Variants in TRIO observed in about 807,000 individuals in gnomAD.
TRIO encodes triple functional domain protein.
In TRIO, 58 loss-of-function variants were observed where a neutral mutation model predicts 351.9. The observed-to-expected ratio is 0.16, with a 90% CI of 0.13 to 0.21. TRIO has a LOEUF of 0.21. Among genes scored for constraint, TRIO ranks in the 10% least tolerant of loss-of-function variants. The probability of loss-of-function intolerance (pLI) is 1.00; values close to 1 mark genes in which losing one functional copy is unlikely to be tolerated. For synonymous variants in TRIO, 1,758 were observed against 1,595.7 expected (o/e 1.10, Z -2.42); for missense variants, 3,201 against 4,027.8 (o/e 0.79, Z 5.56).
At chr5:14,403,844 C>G (rs1277934840) in intron 31 of TRIO, among the ~76,000 whole-genome samples, 1 of 25,980 alleles carries the variant, frequency 3.8e-5, no homozygotes, top group Non-Finnish European at 6.4e-5. Flanking sequence ...GGTGAGGGTG[C>G]AGGTGGTGGT....
At chr5:14,469,947 G>A (rs1025711481) in intron 37 of TRIO, among the ~76,000 whole-genome samples, 3 of 152,170 alleles carry the variant, frequency 2.0e-5, no homozygotes, top group Admixed American at 1.3e-4. Context: ...ACAGGCTTCA[G>A]CTGTCCAGGT....
At chr5:14,450,318 G>A (rs1752766026) in intron 34 of TRIO, among the ~76,000 whole-genome samples, 1 of 152,196 alleles carries the variant, frequency 6.6e-6, no homozygotes, top group Non-Finnish European at 1.5e-5. Flanking sequence ...GTTTTTCACT[G>A]GGTTGGTTTT....
intron 34 of TRIO, among the ~76,000 whole-genome samples, chr5:14,444,193 A>T (rs1374665902): frequency 2.0e-5 from 3 of 152,188 alleles, no homozygotes; most frequent in Non-Finnish European, 4.4e-5. Flanking sequence ...GGATAAAGAA[A>T]TTTCTTTGCT....
intron 1 of TRIO, among the ~76,000 whole-genome samples, chr5:14,170,274 G>A (rs150351399): frequency 3.3e-5 from 5 of 151,720 alleles, no homozygotes; most frequent in East Asian, 1.9e-4. Flanking sequence ...TTTTTCTTTC[G>A]TAATTAAAAA....
intron 7 of TRIO, among the ~76,000 whole-genome samples, chr5:14,298,948 C>G (rs1737624648): frequency 6.6e-6 from 1 of 152,194 alleles, no homozygotes; most frequent in Admixed American, 6.5e-5. Context: ...TAGCAATACC[C>G]TCGATCATTT....
intron 31 of TRIO, among the ~76,000 whole-genome samples, chr5:14,404,326 T>C (rs973014709): frequency 6.6e-6 from 1 of 152,106 alleles, no homozygotes; most frequent in Non-Finnish European, 1.5e-5. Flanking sequence ...CTTAGCCAGG[T>C]AGGACCTTGG....
At chr5:14,244,545 T>C (rs924713515) in intron 1 of TRIO, among the ~76,000 whole-genome samples, 2 of 152,230 alleles carry the variant, frequency 1.3e-5, no homozygotes, top group Non-Finnish European at 2.9e-5. Context: ...AGAATTGTTA[T>C]CTGTATGGCT....
chr5:14,409,721 G>A lies in TRIO; in HGVS notation c.4959+3049G>A, dbSNP rs1749032214. 2.0e-5 allele frequency among the ~76,000 whole-genome samples: 3 copies of A among 151,930 alleles called. No individual in the cohort carries two copies. The South Asian group carries it at 6.3e-4, about 32-fold the overall frequency. On this transcript the variant is annotated intron_variant, in intron 33 of 56. Transcript: ENST00000344204. ...TGGTGGTGGGTGCCTGTAAGTCCCAGCTACTCGGGAGGCTGAGGCAGGAGA... is the reference window on the plus strand; with the variant it reads ...TGGTGGTGGGTGCCTGTAAGTCCCAACTACTCGGGAGGCTGAGGCAGGAGA...
rs542736066 is a variant in TRIO at position 14,463,325 on chromosome 5, T to C, written c.5667+400T>C. On this transcript the variant is annotated intron_variant, in intron 36 of 56. Coordinates refer to ENST00000344204, the MANE Select transcript of TRIO (RefSeq NM_007118.4). ...TTGGCCATCTCCCCTCTGTGAGGTT[T>C]TTGCATGCAGGTTTCTGGTTTGAGA... 4.6e-5 allele frequency among the ~76,000 whole-genome samples: 7 copies of C among 152,326 alleles called. No individual in the cohort carries two copies. In the South Asian group the frequency reaches 1.5e-3, roughly 32 times the overall value.
Position 14,471,549 on chromosome 5 carries a change from GC to G in TRIO, c.5912+84del. On this transcript the variant is annotated intron_variant, in intron 38 of 56. Coordinates refer to ENST00000344204, the MANE Select transcript of TRIO (RefSeq NM_007118.4). The stretch of plus-strand genomic sequence containing the variant: ...CCTTCAAAAATGTGACTGAGATTCA[GC>G]TCTGAATTACCGAGATGAGAAGCTC... 4 of 1,567,344 alleles carry G rather than the reference GC, an allele frequency of 2.6e-6. No homozygotes were observed. The South Asian group carries it at 4.7e-5, about 18-fold the overall frequency.
intron 1 of TRIO, among the ~76,000 whole-genome samples, chr5:14,166,183 C>T (rs1441524667): frequency 6.6e-6 from 1 of 152,224 alleles, no homozygotes; most frequent in African/African-American, 2.4e-5. Flanking sequence ...CACCTCACTA[C>T]AGACTTCACC....
At chr5:14,369,304 G>A in intron 17 of TRIO, 70 bp from the exon 18 acceptor site, 2 of 1,518,934 alleles carry the variant, frequency 1.3e-6, no homozygotes, top group Non-Finnish European at 1.8e-6. Flanking sequence ...CCGACTGAAA[G>A]GGCTTTCCAG....
chr5:14,163,628 G>A (rs749392352), intron 1 of TRIO, among the ~76,000 whole-genome samples: 1 of 152,180 alleles, frequency 6.6e-6, no homozygotes, highest in Non-Finnish European at 1.5e-5. Context: ...ATTGCCTCTT[G>A]CAGGGAGCTG....
chr5:14,157,583 GTCTC>G (rs1788192870), intron 1 of TRIO, among the ~76,000 whole-genome samples: 1 of 142,920 alleles, frequency 7.0e-6, no homozygotes, highest in Non-Finnish European at 1.5e-5. Flanking sequence ...CTCTCTCCCT[GTCTC>G]TCTCTTTCTC....
At chr5:14,399,665 C>T (rs534163454) in intron 30 of TRIO, among the ~76,000 whole-genome samples, 2 of 152,314 alleles carry the variant, frequency 1.3e-5, no homozygotes, top group South Asian at 4.1e-4. Context: ...AATTCGTAAC[C>T]TGTCATTGTA....
rs534664588 is a variant in TRIO, at chr5:14,325,764, A to G, written c.1732-5014A>G. 7.2e-5 allele frequency among the ~76,000 whole-genome samples: 11 copies of G among 152,366 alleles called. 1 individual carries two copies. In the South Asian group the frequency reaches 1.7e-3, roughly 23 times the overall value. On this transcript the variant is annotated intron_variant, in intron 9 of 56. Coordinates refer to ENST00000344204, the MANE Select transcript of TRIO (RefSeq NM_007118.4). Reference sequence around the variant, plus strand: ...AGACCACAAATACTGAGTATTAGGTAGTAGGGACCTACTACAGAAAATAAT... The same window carrying G: ...AGACCACAAATACTGAGTATTAGGTGGTAGGGACCTACTACAGAAAATAAT...
intron 47 of TRIO, among the ~76,000 whole-genome samples, chr5:14,485,988 CAAAA>C (rs376098052): frequency 7.2e-6 from 1 of 139,090 alleles, no homozygotes. Flanking sequence ...AACTCTGTCT[CAAAA>C]AAAAAAAAAG....
At chr5:14,243,654 A>G (rs889303203) in intron 1 of TRIO, among the ~76,000 whole-genome samples, 3 of 152,208 alleles carry the variant, frequency 2.0e-5, no homozygotes, top group African/African-American at 4.8e-5. Context: ...TTTCCCCAGC[A>G]TTTGTTTTCC....
chr5:14,264,010 A>G (rs1244241631), intron 1 of TRIO, among the ~76,000 whole-genome samples: 1 of 152,206 alleles, frequency 6.6e-6, no homozygotes, highest in African/African-American at 2.4e-5. Context: ...TAAGAAATAG[A>G]GTCCCTTTAT....
Sources: gnomAD v4.1 joint callset for allele counts (sites outside exome capture counted in the v4.1 genomes callset) on GRCh38, gnomAD v4.1.1 for gene constraint, MANE v1.5 for transcripts, NCBI Gene and HGNC (gene_info 2026-07-23, HGNC 2026-07-21) for gene names.